Variants in BRAF observed in about 807,000 individuals in gnomAD.
The protein encoded by BRAF is serine/threonine-protein kinase B-raf.
A neutral mutation model predicts 104.6 loss-of-function variants in BRAF; 16 were observed. The observed-to-expected ratio is 0.15, with a 90% confidence interval of 0.10 to 0.23. BRAF has a LOEUF of 0.23. Ranked by LOEUF, BRAF falls within the 10% of genes least tolerant of loss-of-function variation. BRAF has a pLI of 1.00. For missense variants in BRAF, 541 were observed against 937.3 expected (o/e 0.58, Z 5.52); for synonymous variants, 310 against 341.6 (o/e 0.91, Z 1.02).
At position 140,800,402 on chromosome 7, in the gene BRAF, A is replaced by G. The variant is rs1802975665; in HGVS notation, c.940T>C (p.Ser314Pro). 2 of 1,614,182 alleles carry G rather than the reference A, an allele frequency of 1.2e-6. No individual in the cohort carries two copies. The highest frequency in any genetic ancestry group is 1.7e-6 in the Non-Finnish European group (2 of 1,180,026). ...GCGGGTGCGGAAGGGGATGATCCAGATGTTAGGGCAGTCTCTGCTAAGGAC... is the reference window on the plus strand; with the variant it reads ...GCGGGTGCGGAAGGGGATGATCCAGGTGTTAGGGCAGTCTCTGCTAAGGAC... The part of the protein sequence containing the change: ...EASLAETALT[S>P]GSSPSAPASD... The change falls in exon 7 of 20, where the codon TCT becomes CCT. Residue 314 changes from serine (S) to proline (P), a missense_variant. This residue lies in a region of BRAF where 79 missense variants were observed against 74.6 expected (regional missense o/e 1.06). Transcript: ENST00000644969.
intron 1 of BRAF, among the ~76,000 whole-genome samples, chr7:140,854,523 T>C (rs1476001138): frequency 1.3e-5 from 2 of 152,046 alleles, no homozygotes; most frequent in Non-Finnish European, 2.9e-5. Flanking sequence ...TAAAAACTCA[T>C]ATGCAGTTAG....
chr7:140,754,034 C>T (rs1340078723), intron 15 of BRAF, 153 bp downstream of exon 14: 3 of 773,934 alleles, frequency 3.9e-6, no homozygotes, highest in African/African-American at 1.7e-5. Context: ...TGGTATCCTG[C>T]TCTCCTATAC....
intron 15 of BRAF, 181 bp downstream of exon 14, chr7:140,754,006 G>C: frequency 1.5e-6 from 1 of 653,556 alleles, no homozygotes; most frequent in South Asian, 1.8e-5. Context: ...CAGTTGTCGA[G>C]AAACCAAAAG....
intron 7 of BRAF, among the ~76,000 whole-genome samples, chr7:140,797,253 T>C (rs1802587213): frequency 6.6e-6 from 1 of 152,220 alleles, no homozygotes; most frequent in African/African-American, 2.4e-5. Context: ...TTTTGAAAAC[T>C]TTGGTCTGGT....
In BRAF at chr7:140,733,056, A is replaced by G. The variant is rs1005219429; in HGVS notation, c.2401+1561T>C. 44 of 152,014 alleles carry G rather than the reference A, an allele frequency of 2.9e-4. 1 individual carries two copies. The highest frequency in any genetic ancestry group is 1.5e-5 in the Non-Finnish European group (1 of 67,984). The allele number at this position is 152,014 out of a possible 1,614,324, so 9.4% of individuals were successfully genotyped here. On this transcript the variant is annotated intron_variant, in intron 19 of 19. Transcript: ENST00000644969. Reference sequence around the variant, plus strand: ...AAAAATACGTGAAATGTTCCTTTTCATTTTCTTAACTAAAGTCATGAATCA... The same window carrying G: ...AAAAATACGTGAAATGTTCCTTTTCGTTTTCTTAACTAAAGTCATGAATCA...
chr7:140,768,012 C>T (rs910825338), intron 14 of BRAF, among the ~76,000 whole-genome samples: 4 of 152,102 alleles, frequency 2.6e-5, no homozygotes, highest in African/African-American at 9.7e-5. Context: ...TGTAGCAGAG[C>T]TGGTATCAGA....
At chr7:140,790,316 A>G (rs1254710441) in intron 8 of BRAF, among the ~76,000 whole-genome samples, 1 of 152,186 alleles carries the variant, frequency 6.6e-6, no homozygotes, top group Non-Finnish European at 1.5e-5. Flanking sequence ...GTGTTCTTAA[A>G]GCTCCTTGAC....
At chr7:140,886,581 G>A (rs1322433187) in intron 1 of BRAF, among the ~76,000 whole-genome samples, 1 of 152,070 alleles carries the variant, frequency 6.6e-6, no homozygotes, top group East Asian at 1.9e-4. Flanking sequence ...CCTTCTTCCT[G>A]GAACACTCTT....
Position 140,721,283 on chromosome 7 carries a change from A to G in BRAF, c.*5211T>C. On this transcript the variant is annotated 3_prime_UTR_variant, in exon 20 of 20. Coordinates refer to ENST00000644969, the MANE Select transcript of BRAF (RefSeq NM_001374258.1). ...TAGTCACTCATTGAGTTGCCGACTA[A>G]TTGCCCCATGCATTTTTTTTTTTTA... is the stretch of plus-strand genomic sequence containing the variant. 4.4e-6 allele frequency: 5 copies of G among 1,149,268 alleles called. No homozygotes were observed. Among genetic ancestry groups the G allele is most frequent in the Non-Finnish European group, 4.3e-6 (4 of 936,356 alleles). 71.2% of individuals were successfully genotyped at this position (1,149,268 alleles called of 1,614,324 possible). A position where few individuals can be genotyped will look rare whatever the true frequency, so the allele number is the denominator to read the frequency against.
chr7:140,804,736 T>A (rs757597806), intron 5 of BRAF, among the ~76,000 whole-genome samples: 6 of 152,208 alleles, frequency 3.9e-5, no homozygotes, highest in Non-Finnish European at 7.3e-5. Flanking sequence ...AACTTCCTAA[T>A]CTATTCTGCT....
intron 8 of BRAF, among the ~76,000 whole-genome samples, chr7:140,788,386 G>GACATATTT (rs1801611220): frequency 6.6e-6 from 1 of 151,966 alleles, no homozygotes; most frequent in Non-Finnish European, 1.5e-5. Context: ...GACATATTTT[G>GACATATTT]GTTAAGAAAA....
At chr7:140,848,768 C>G (rs1219166019) in intron 2 of BRAF, among the ~76,000 whole-genome samples, 1 of 152,136 alleles carries the variant, frequency 6.6e-6, no homozygotes, top group Non-Finnish European at 1.5e-5. Context: ...AGGAAGTACA[C>G]TAACTAGTAA....
intron 1 of BRAF, among the ~76,000 whole-genome samples, chr7:140,912,845 G>A (rs549822756): frequency 3.3e-5 from 5 of 152,272 alleles, no homozygotes; most frequent in African/African-American, 4.8e-5. Context: ...ACCAAGCCCC[G>A]ATGAATCTAC....
chr7:140,739,523 G>C (rs1275852950), intron 18 of BRAF, among the ~76,000 whole-genome samples: 1 of 147,052 alleles, frequency 6.8e-6, no homozygotes, highest in African/African-American at 2.4e-5. Flanking sequence ...TCTTTGTGGG[G>C]GGGGGGGTCT....
At chr7:140,876,936 T>C (rs573701332) in intron 1 of BRAF, among the ~76,000 whole-genome samples, 4 of 152,226 alleles carry the variant, frequency 2.6e-5, no homozygotes, top group Admixed American at 2.6e-4. Flanking sequence ...CCACAAACGT[T>C]TGTTCTCTGA....
At chr7:140,749,925 T>C (rs1797653146) in intron 16 of BRAF, among the ~76,000 whole-genome samples, 1 of 152,102 alleles carries the variant, frequency 6.6e-6, no homozygotes, top group Admixed American at 6.6e-5. Flanking sequence ...TAAACTCAAA[T>C]CCCCTTTCAA....
At chr7:140,742,287 G>A (rs1311150087) in intron 17 of BRAF, among the ~76,000 whole-genome samples, 1 of 151,856 alleles carries the variant, frequency 6.6e-6, no homozygotes, top group Non-Finnish European at 1.5e-5. Flanking sequence ...CCCTTCCTGG[G>A]TTCAAGAGAT....
Position 140,753,891 on chromosome 7 carries a change from T to C in BRAF, c.1861+296A>G, listed in dbSNP as rs142613645. 466 of 458,554 alleles carry C rather than the reference T, an allele frequency of 1.0e-3. 1 individual carries two copies. The highest frequency in any genetic ancestry group is 8.4e-3 in the African/African-American group (427 of 50,598). The allele number at this position is 458,554 out of a possible 1,614,324, so 28.4% of individuals were successfully genotyped here. ...AGGTCAGAGGTCTGAAAGGGACTAATAGATAGCTACAAAACTATCAGTTTT... is the reference window on the plus strand; with the variant it reads ...AGGTCAGAGGTCTGAAAGGGACTAACAGATAGCTACAAAACTATCAGTTTT... On this transcript the variant is annotated intron_variant, in intron 15 of 19. Coordinates refer to ENST00000644969, the MANE Select transcript of BRAF (RefSeq NM_001374258.1).
At chr7:140,761,844 C>T (rs1295236522) in intron 14 of BRAF, among the ~76,000 whole-genome samples, 1 of 152,178 alleles carries the variant, frequency 6.6e-6, no homozygotes, top group African/African-American at 2.4e-5. Context: ...GCTAACTATC[C>T]TAAATATATA....
Sources: allele counts gnomAD v4.1 joint callset (sites outside exome capture counted in the v4.1 genomes callset), GRCh38; gene constraint gnomAD v4.1.1; regional missense constraint gnomAD v4.1.1; transcripts MANE v1.5; gene names NCBI Gene and HGNC (gene_info 2026-07-23, HGNC 2026-07-21).